Variants in PFKL observed in about 807,000 individuals in gnomAD.
PFKL encodes ATP-dependent 6-phosphofructokinase, liver type.
Under a neutral mutation model 92.1 loss-of-function variants are expected in PFKL, and 74 were observed. The ratio of observed to expected loss-of-function variants is 0.80; its 90% CI spans 0.67 to 0.97. The LOEUF (loss-of-function observed/expected upper bound fraction) is 0.97. Among genes scored for constraint, PFKL ranks in the 50% least tolerant of loss-of-function variants. The pLI is 0.00. For synonymous variants in PFKL, 494 were observed against 456.4 expected (o/e 1.08, Z -1.05); for missense variants, 1,028 against 1,116.6 (o/e 0.92, Z 1.13).
Position 44,326,038 on chromosome 21 carries a change from G to A in PFKL, c.2067G>A (p.Lys689=), listed in dbSNP as rs900355856. 1.5e-5 allele frequency: 25 copies of A among 1,613,854 alleles called. No individual in the cohort carries two copies. Among genetic ancestry groups the A allele is most frequent in the East Asian group, 2.2e-5 (1 of 44,880 alleles). The change falls in exon 20 of 22, where the codon AAG becomes AAA. Residue 689 remains lysine, a synonymous_variant. Transcript: ENST00000349048. Reference sequence around the variant, plus strand: ...AGGCCATGCTGTGGTTGTCGGAGAAGCTGCGCGAGGTTTACCGCAAGGGTA... The same window carrying A: ...AGGCCATGCTGTGGTTGTCGGAGAAACTGCGCGAGGTTTACCGCAAGGGTA... ...GVKAMLWLSE[K]LREVYRKGRV... is the part of the protein sequence containing the mutation.
At position 44,324,962 on chromosome 21, in the gene PFKL, T is replaced by G. The variant is rs778990055; in HGVS notation, c.1877+45T>G. ...CTGGCCACAGCTGCGCGTCCAACTC[T>G]CGGGGCTGGGGTGGGGCTGCTGAGG... On this transcript the variant is annotated intron_variant, in intron 18 of 21. Coordinates refer to ENST00000349048, the MANE Select transcript of PFKL (RefSeq NM_002626.6). 8 of 1,543,172 alleles carry G rather than the reference T, an allele frequency of 5.2e-6. No individual in the cohort carries two copies. The South Asian group carries it at 9.3e-5, about 18-fold the overall frequency.
chr21:44,300,479 C>T (rs897227989), intron 1 of PFKL, among the ~76,000 whole-genome samples: 1 of 152,304 alleles, frequency 6.6e-6, no homozygotes, highest in African/African-American at 2.4e-5. Context: ...CAGGACCTCC[C>T]GAGGAGTCCC....
intron 1 of PFKL, among the ~76,000 whole-genome samples, chr21:44,301,077 C>G (rs1039842442): frequency 6.6e-6 from 1 of 152,220 alleles, no homozygotes; most frequent in Admixed American, 6.5e-5. Context: ...TTTTAGAGTT[C>G]AGAAAATGGT....
At chr21:44,306,602 C>G (rs1284812105) in intron 1 of PFKL, 79 bp from the exon 2 acceptor site, 10 of 1,302,458 alleles carry the variant, frequency 7.7e-6, no homozygotes, top group East Asian at 2.5e-5. Context: ...TCCCCTACCC[C>G]CTGTCCTCTG....
At chr21:44,302,376 G>A (rs1340775981) in intron 1 of PFKL, among the ~76,000 whole-genome samples, 1 of 152,240 alleles carries the variant, frequency 6.6e-6, no homozygotes, top group Non-Finnish European at 1.5e-5. Flanking sequence ...AGGATGATCT[G>A]GGGCGAGTAG....
At chr21:44,304,348 G>T (rs1158082879) in intron 1 of PFKL, 1 of 1,287,534 alleles carries the variant, frequency 7.8e-7, no homozygotes, top group Non-Finnish European at 1.0e-6. Flanking sequence ...GTGGCACATT[G>T]ACTCCGCCTG....
intron 14 of PFKL, 51 bp downstream of exon 14, chr21:44,322,254 T>C: frequency 5.2e-6 from 8 of 1,525,504 alleles, no homozygotes; most frequent in Non-Finnish European, 7.1e-6. Flanking sequence ...GGGCGCAGTA[T>C]CCAGGCCCTG....
rs866878791 is a variant in PFKL at position 44,316,119 on chromosome 21, G to A, written c.748-125G>A. ...GGCCTGCTTTCCTCCTGCTGGGTGG[G>A]GATTGTGCCCTGGCCCATGTGGGTT... On this transcript the variant is annotated intron_variant, in intron 7 of 21. Transcript: ENST00000349048. The A allele has an allele frequency of 4.0e-4, 329 of 820,980 alleles. 2 individuals are homozygous for A. The highest frequency in any genetic ancestry group is 2.2e-3 in the Middle Eastern group (9 of 4,048). 50.9% of individuals were successfully genotyped at this position (820,980 alleles called of 1,614,324 possible). A position where few individuals can be genotyped will look rare whatever the true frequency, so the allele number is the denominator to read the frequency against.
intron 20 of PFKL, 37 bp downstream of exon 20, chr21:44,326,097 C>T (rs920849023): frequency 1.2e-6 from 2 of 1,607,274 alleles, no homozygotes; most frequent in South Asian, 1.1e-5. Context: ...TCACTTTGCC[C>T]TCCCCTGGCT....
chr21:44,326,609 C>A, intron 21 of PFKL, 106 bp from the exon 22 acceptor site: 2 of 1,320,830 alleles, frequency 1.5e-6, no homozygotes, highest in Admixed American at 2.4e-5. Flanking sequence ...GACAGAGGGG[C>A]ATGCACAGGC....
At chr21:44,320,021 GCGCTGTGGCTGTA>G in intron 11 of PFKL, 50 bp from the exon 12 acceptor site, 1 of 1,469,034 alleles carries the variant, frequency 6.8e-7, no homozygotes, top group Non-Finnish European at 9.5e-7. Flanking sequence ...TGTCACGGCT[GCGCTGTGGCTGTA>G]CGCCGTGGCG....
chr21:44,307,346 CTT>C, intron 2 of PFKL: 4 of 980,184 alleles, frequency 4.1e-6, no homozygotes, highest in Non-Finnish European at 4.8e-6. Flanking sequence ...CACACCCACA[CTT>C]GCGCTCACAC....
intron 1 of PFKL, chr21:44,305,899 G>A (rs1476205566): frequency 1.5e-6 from 2 of 1,364,392 alleles, no homozygotes; most frequent in Non-Finnish European, 9.8e-7. Context: ...AGTGACCTCA[G>A]AGCCTGGTGG....
intron 1 of PFKL, 45 bp from the exon 2 acceptor site, chr21:44,306,636 T>G (rs2040955457): frequency 6.4e-7 from 1 of 1,552,266 alleles, no homozygotes; most frequent in Non-Finnish European, 8.8e-7. Flanking sequence ...GTCCAGGGCC[T>G]TGCTTCTCAG....
At position 44,322,970 on chromosome 21, in the gene PFKL, C is replaced by A. The variant is rs1299137993; in HGVS notation, c.1418C>A (p.Pro473His). ...TGTGTCTTTGACTGCAGGACCCTGC[C>A]CAAGGGCCAGCTGGAGTCCATTGTG... is the stretch of plus-strand genomic sequence containing the variant. ...GSMLGTKRTL[P>H]KGQLESIVEN... The change falls in exon 15 of 22, where the codon CCC becomes CAC. Residue 473 changes from proline to histidine, a missense_variant. Transcript: ENST00000349048. 1 of 1,611,354 alleles carries A rather than the reference C, an allele frequency of 6.2e-7. No individual in the cohort carries two copies. Among genetic ancestry groups the A allele is most frequent in the Non-Finnish European group, 8.5e-7 (1 of 1,178,518 alleles).
At chr21:44,314,056 G>A in intron 7 of PFKL, 35 bp downstream of exon 7, 3 of 1,454,734 alleles carry the variant, frequency 2.1e-6, no homozygotes, top group Non-Finnish European at 2.9e-6. Context: ...GGCCGCAGGT[G>A]TCCTGGTGCA....
intron 14 of PFKL, 86 bp downstream of exon 14, chr21:44,322,289 C>A: frequency 7.7e-7 from 1 of 1,293,532 alleles, no homozygotes; most frequent in South Asian, 1.3e-5. Flanking sequence ...AAGGGGAACC[C>A]AGCCCGGGGC....
rs142087327 is a variant in PFKL at position 44,310,145 on chromosome 21, C to T, written c.160-861C>T. ...GGGACCGGGGCTGCACGGAGGAGGC[C>T]GCCCTTCTCCTCTCCACACCCTTAG... is the stretch of plus-strand genomic sequence containing the variant. On this transcript the variant is annotated intron_variant, in intron 2 of 21. Coordinates refer to ENST00000349048, the MANE Select transcript of PFKL (RefSeq NM_002626.6). 1.1e-3 allele frequency among the ~76,000 whole-genome samples: 174 copies of T among 152,328 alleles called. 1 individual carries two copies. Among genetic ancestry groups the T allele is most frequent in the African/African-American group, 4.1e-3 (170 of 41,582 alleles).
rs772584579 is a variant in PFKL, at chr21:44,311,014, G to A, written c.168G>A (p.Glu56=). 15 of 1,612,846 alleles carry A rather than the reference G, an allele frequency of 9.3e-6. No individual in the cohort carries two copies. Among genetic ancestry groups the A allele is most frequent in the Non-Finnish European group, 1.3e-5 (15 of 1,179,394 alleles). Reference sequence around the variant, plus strand: ...CCCACTCTTGATTTCAGGGCTATGAGGGCCTCGTGGAGGGAGGTGAGAACA... The same window carrying A: ...CCCACTCTTGATTTCAGGGCTATGAAGGCCTCGTGGAGGGAGGTGAGAACA... The part of the protein sequence containing the change: ...AKVFLIYEGY[E]GLVEGGENIK... The change falls in exon 3 of 22, where the codon GAG becomes GAA. Residue 56 remains glutamate (E), a synonymous_variant. Coordinates refer to ENST00000349048, the MANE Select transcript of PFKL (RefSeq NM_002626.6).
Sources: gnomAD v4.1 joint callset for allele counts (sites outside exome capture counted in the v4.1 genomes callset) on GRCh38, gnomAD v4.1.1 for gene constraint, MANE v1.5 for transcripts, NCBI Gene and HGNC (gene_info 2026-07-23, HGNC 2026-07-21) for gene names.